Variants in MYT1L observed in about 807,000 individuals in gnomAD.
The protein encoded by MYT1L is myelin transcription factor 1 like.
Under a neutral mutation model 126.7 loss-of-function variants are expected in MYT1L, and 12 were observed. That is an observed-to-expected ratio of 0.09 (90% CI 0.06 to 0.15). The LOEUF (loss-of-function observed/expected upper bound fraction) is 0.15. Among genes scored for constraint, MYT1L ranks in the 10% least tolerant of loss-of-function variants. The pLI is 1.00. For missense variants in MYT1L, 979 were observed against 1,585.2 expected (o/e 0.62, Z 6.49); for synonymous variants, 541 against 604.2 (o/e 0.90, Z 1.53).
intron 2 of MYT1L, among the ~76,000 whole-genome samples, chr2:2,197,265 A>G (rs899120287): frequency 6.6e-6 from 1 of 152,182 alleles, no homozygotes; most frequent in African/African-American, 2.4e-5. Flanking sequence ...TATTTATTCA[A>G]TGTTTAAGGA....
At chr2:2,181,020 G>A (rs2091435371) in intron 2 of MYT1L, among the ~76,000 whole-genome samples, 1 of 150,082 alleles carries the variant, frequency 6.7e-6, no homozygotes, top group African/African-American at 2.5e-5. Flanking sequence ...GTGTGCACCT[G>A]TATCTGTACC....
intron 8 of MYT1L, among the ~76,000 whole-genome samples, chr2:1,972,478 T>C (rs2059883126): frequency 6.6e-6 from 1 of 152,252 alleles, no homozygotes; most frequent in East Asian, 1.9e-4. Flanking sequence ...TCTCTGTTTC[T>C]TCTTTTTTTA....
chr2:2,146,374 T>C (rs948272423), intron 3 of MYT1L, among the ~76,000 whole-genome samples: 1 of 152,068 alleles, frequency 6.6e-6, no homozygotes, highest in Non-Finnish European at 1.5e-5. Flanking sequence ...CACAAGGGCC[T>C]GGAGAGTGTG....
intron 3 of MYT1L, among the ~76,000 whole-genome samples, chr2:2,145,554 T>C (rs983974187): frequency 6.6e-5 from 10 of 151,844 alleles, no homozygotes; most frequent in Admixed American, 2.0e-4. Flanking sequence ...GGAGAGCTCA[T>C]TCTAAAGTAA....
At chr2:2,095,645 G>A (rs577643610) in intron 3 of MYT1L, among the ~76,000 whole-genome samples, 74 of 152,230 alleles carry the variant, frequency 4.9e-4, no homozygotes, top group African/African-American at 1.7e-3. Context: ...TTTTCCATCT[G>A]TGAGTGTCTG....
intron 2 of MYT1L, among the ~76,000 whole-genome samples, chr2:2,250,745 C>T (rs576943035): frequency 1.4e-4 from 21 of 152,134 alleles, no homozygotes; most frequent in African/African-American, 5.1e-4. Flanking sequence ...ACATTGCATG[C>T]CTGTACCAAA....
rs115018393 is a variant in MYT1L, at chr2:2,275,853, G to A, written c.-421+8551C>T. On this transcript the variant is annotated intron_variant, in intron 2 of 24. Coordinates refer to ENST00000647738, the MANE Select transcript of MYT1L (RefSeq NM_001303052.2). ...CCAACCTATTCTTTCACACCTCCAC[G>A]CCTTGTTCTTGTCCTCAAGAGAAAG... Among the ~76,000 whole-genome samples the A allele has an allele frequency of 2.8e-3, 431 of 151,998 alleles. 3 individuals are homozygous for A. The highest frequency in any genetic ancestry group is 9.9e-3 in the African/African-American group (409 of 41,456).
At chr2:2,175,802 T>C (rs542951525) in intron 2 of MYT1L, among the ~76,000 whole-genome samples, 1 of 152,360 alleles carries the variant, frequency 6.6e-6, no homozygotes. Context: ...GCAGCAGGGC[T>C]GGAGGGCAGT....
chr2:1,988,831 G>C (rs1411595305), intron 5 of MYT1L, among the ~76,000 whole-genome samples: 1 of 152,212 alleles, frequency 6.6e-6, no homozygotes, highest in Non-Finnish European at 1.5e-5. Flanking sequence ...GCCTGGCTGG[G>C]TACATAGCCG....
intron 2 of MYT1L, among the ~76,000 whole-genome samples, chr2:2,230,477 C>A (rs1559402500): frequency 6.6e-6 from 1 of 152,204 alleles, no homozygotes; most frequent in Non-Finnish European, 1.5e-5. Context: ...GTACTTAGAA[C>A]ACAGAATTCT....
chr2:1,889,516 CA>C lies in MYT1L; in HGVS notation c.2284-40del, dbSNP rs762937624. 45 of 1,481,886 alleles carry C rather than the reference CA, an allele frequency of 3.0e-5. No homozygotes were observed. The highest frequency in any genetic ancestry group is 1.0e-5 in the Non-Finnish European group (11 of 1,088,938). 91.8% of individuals were successfully genotyped at this position (1,481,886 alleles called of 1,614,324 possible). A position where few individuals can be genotyped will look rare whatever the true frequency, so the allele number is the denominator to read the frequency against. On this transcript the variant is annotated intron_variant, in intron 15 of 24. Coordinates refer to ENST00000647738, the MANE Select transcript of MYT1L (RefSeq NM_001303052.2). This position sits in a 1 kb window ranked among gnomAD's most constrained non-coding sequence, Gnocchi z 4.1. ...GACATAGTGACTGTGCTTGGCCCGG[CA>C]TCTTGTGACACCACGAGTCCTTCCT...
At chr2:1,921,186 A>G (rs1264574386) in intron 10 of MYT1L, among the ~76,000 whole-genome samples, 6 of 152,230 alleles carry the variant, frequency 3.9e-5, no homozygotes, top group African/African-American at 7.2e-5. Context: ...TAGTGAATAG[A>G]ATGTAATAAA....
intron 3 of MYT1L, among the ~76,000 whole-genome samples, chr2:2,159,259 A>T (rs924587093): frequency 6.6e-6 from 1 of 152,140 alleles, no homozygotes; most frequent in Non-Finnish European, 1.5e-5. Context: ...TTGAGTCCAC[A>T]TGGGAATCGC....
At chr2:2,328,639 T>C (rs937401293) in intron 1 of MYT1L, among the ~76,000 whole-genome samples, 4 of 152,240 alleles carry the variant, frequency 2.6e-5, no homozygotes, top group African/African-American at 9.6e-5. Context: ...CTTTCTACCT[T>C]ACTGTGACAC....
At chr2:2,116,177 C>T (rs1216458997) in intron 3 of MYT1L, among the ~76,000 whole-genome samples, 1 of 152,236 alleles carries the variant, frequency 6.6e-6, no homozygotes, top group East Asian at 1.9e-4. Context: ...GAAGAAAAGG[C>T]CATCCAGGGA....
At chr2:2,107,062 G>A (rs953155710) in intron 3 of MYT1L, among the ~76,000 whole-genome samples, 2 of 152,208 alleles carry the variant, frequency 1.3e-5, no homozygotes, top group Non-Finnish European at 2.9e-5. Context: ...TCCCACAGCT[G>A]TTGCACGAGT....
At chr2:1,909,394 A>T (rs1487770745) in intron 13 of MYT1L, among the ~76,000 whole-genome samples, 1 of 152,250 alleles carries the variant, frequency 6.6e-6, no homozygotes, top group East Asian at 1.9e-4. Context: ...ACATCTGAAC[A>T]GTAGAATATA....
intron 18 of MYT1L, among the ~76,000 whole-genome samples, chr2:1,866,698 AGAG>A: frequency 1.1e-5 from 1 of 93,068 alleles, no homozygotes; most frequent in Non-Finnish European, 2.1e-5. Context: ...AGAGAGAGGG[AGAG>A]GGAGGGAGAG....
At chr2:1,953,713 C>T (rs994927239) in intron 8 of MYT1L, among the ~76,000 whole-genome samples, 2 of 152,204 alleles carry the variant, frequency 1.3e-5, no homozygotes, top group Non-Finnish European at 2.9e-5. Flanking sequence ...TCTGTTTCCA[C>T]GGACTGAGTG....
Sources: allele counts gnomAD v4.1 joint callset (sites outside exome capture counted in the v4.1 genomes callset), GRCh38; gene constraint gnomAD v4.1.1; non-coding constraint Gnocchi (gnomAD v3.1); transcripts MANE v1.5; gene names NCBI Gene and HGNC (gene_info 2026-07-23, HGNC 2026-07-21).